ABCA5: variants seen among roughly 807,000 people sequenced by gnomAD.
ABCA5 encodes ATP binding cassette subfamily A member 5.
ABCA5 carries 163 observed loss-of-function variants against 206.0 expected under a neutral mutation model. The observed-to-expected ratio is 0.79, with a 90% CI of 0.70 to 0.90. The LOEUF (loss-of-function observed/expected upper bound fraction) is 0.90, where lower values mean the gene tolerates loss of function less well. Among genes scored for constraint, ABCA5 ranks in the 40% least tolerant of loss-of-function variants. The pLI is 0.00. For missense variants in ABCA5, 1,859 were observed against 1,912.9 expected (o/e 0.97, Z 0.53); for synonymous variants, 609 against 613.8 (o/e 0.99, Z 0.11).
At chr17:69,256,547 C>T (rs2035745997) in intron 28 of ABCA5, among the ~76,000 whole-genome samples, 1 of 151,100 alleles carries the variant, frequency 6.6e-6, no homozygotes, top group African/African-American at 2.4e-5. Flanking sequence ...CCTCTGCCTC[C>T]TGGGTTCAAG....
intron 34 of ABCA5, 125 bp from the exon 35 acceptor site, chr17:69,251,991 G>T: frequency 1.2e-6 from 1 of 855,720 alleles, no homozygotes; most frequent in Non-Finnish European, 1.8e-6. Context: ...CAATTGCTAT[G>T]GCTATTACAT....
In ABCA5 at chr17:69,307,654, A is replaced by G. The variant is rs978911551; in HGVS notation, c.558+626T>C. On this transcript the variant is annotated intron_variant, in intron 5 of 38. Transcript: ENST00000392676. ...CACGTCCCTAATATGTTTATACTGT[A>G]CTACAAAAGTTTACAAGACAATTAT... Among the ~76,000 whole-genome samples the G allele has an allele frequency of 9.9e-5, 15 of 152,212 alleles. No homozygotes were observed. In the East Asian group the frequency reaches 2.9e-3, roughly 29 times the overall value.
intron 23 of ABCA5, 35 bp downstream of exon 23, chr17:69,267,908 A>T: frequency 1.6e-6 from 2 of 1,255,982 alleles, no homozygotes; most frequent in Non-Finnish European, 1.2e-6. Context: ...GACACTTCTT[A>T]TTAGCAAATT....
rs568310048 is a variant in ABCA5 at position 69,309,648 on chromosome 17, A to T, written c.308-225T>A. Among the ~76,000 whole-genome samples, 3 of 152,254 alleles carry T rather than the reference A, an allele frequency of 2.0e-5. No homozygotes were observed. In the East Asian group the frequency reaches 5.8e-4, roughly 29 times the overall value. On this transcript the variant is annotated intron_variant, in intron 3 of 38. Transcript: ENST00000392676. ...GCTTGAGCTCAGAAGTTCAAGTCCA[A>T]CCTGGGCAACATGGTGAGGTTCTGT... is the stretch of plus-strand genomic sequence containing the variant.
At chr17:69,312,272 T>C (rs1450269100) in intron 3 of ABCA5, among the ~76,000 whole-genome samples, 1 of 152,184 alleles carries the variant, frequency 6.6e-6, no homozygotes, top group African/African-American at 2.4e-5. Flanking sequence ...CTAGTTCATT[T>C]CTTTGTGAGA....
In ABCA5 at chr17:69,313,176, A is replaced by G; in HGVS notation, c.223T>C (p.Ser75Pro). 1 of 1,608,782 alleles carries G rather than the reference A, an allele frequency of 6.2e-7. No homozygotes were observed. The highest frequency in any genetic ancestry group is 1.1e-5 in the South Asian group (1 of 90,736). The change falls in exon 3 of 39, where the codon TCT becomes CCT. Residue 75 changes from serine to proline, a missense_variant. Ser to Pro is a moderately conservative substitution (Grantham distance 74). Transcript: ENST00000392676. Reference sequence around the variant, plus strand: ...GGAGTATATCCAAGAATTAGATTAGAAAGAGTAAACTTGTCCATAGGATTG... The same window carrying G: ...GGAGTATATCCAAGAATTAGATTAGGAAGAGTAAACTTGTCCATAGGATTG... ...ELNPMDKFTL[S>P]NLILGYTPVT... is the part of the protein sequence containing the mutation.
chr17:69,264,888 T>A lies in ABCA5; in HGVS notation c.3162A>T (p.Gln1054His). ...AENHKIKAYTQLKLSGLLPSA... is the reference protein window; with the variant it reads ...AENHKIKAYTHLKLSGLLPSA... ...ATGGCAAAAGACCTGAAAGTTTAAGTTGAGTATAAGCTTTGATCTAAAAAA... is the reference window on the plus strand; with the variant it reads ...ATGGCAAAAGACCTGAAAGTTTAAGATGAGTATAAGCTTTGATCTAAAAAA... The change falls in exon 24 of 39, where the codon CAA becomes CAT. Residue 1054 changes from glutamine (Q) to histidine (H), a missense_variant. Transcript: ENST00000392676. 6.4e-7 allele frequency: 1 copy of A among 1,551,986 alleles called. No homozygotes were observed. Among genetic ancestry groups the A allele is most frequent in the Non-Finnish European group, 8.7e-7 (1 of 1,153,820 alleles).
Position 69,247,320 on chromosome 17 carries a change from A to G in ABCA5, c.*217T>C, listed in dbSNP as rs183622747. The G allele has an allele frequency of 6.8e-5, 30 of 443,522 alleles. No individual in the cohort carries two copies. Among genetic ancestry groups the G allele is most frequent in the African/African-American group, 5.7e-4 (28 of 48,824 alleles). 27.5% of individuals were successfully genotyped at this position (443,522 alleles called of 1,614,324 possible). A position where few individuals can be genotyped will look rare whatever the true frequency, so the allele number is the denominator to read the frequency against. ...ACATACAAACTATATAGTTCAATAT[A>G]CTTCAATACAAACATGCAGCTTCAC... On this transcript the variant is annotated 3_prime_UTR_variant, in exon 39 of 39. Coordinates refer to ENST00000392676, the MANE Select transcript of ABCA5 (RefSeq NM_172232.4).
At chr17:69,315,343 T>C (rs933498541) in intron 1 of ABCA5, 5 of 152,172 alleles carry the variant, frequency 3.3e-5, no homozygotes, top group Admixed American at 2.0e-4. Flanking sequence ...AAATGACAAC[T>C]ACAGTTCAAA....
In ABCA5 at chr17:69,286,234, C is replaced by A. The variant is rs968494720; in HGVS notation, c.2119G>T (p.Gly707Cys). ...SMFLKSKWGI[G>C]YRLSMYIDKY... is the part of the protein sequence containing the mutation. ...AATGAATGATACCTCAGGCGGTAGC[C>A]GATCCCCCATTTACTTTTGAGGAAC... Residue 707 changes from glycine to cysteine, a missense_variant, in exon 16 of 39, where the codon GGC becomes TGC. By Grantham distance (159) the Gly-to-Cys change is radical. Transcript: ENST00000392676. 11 of 1,602,480 alleles carry A rather than the reference C, an allele frequency of 6.9e-6. No homozygotes were observed. The highest frequency in any genetic ancestry group is 9.3e-6 in the Non-Finnish European group (11 of 1,176,964).
At chr17:69,325,921 T>C (rs550329498) in intron 1 of ABCA5, 36 of 152,360 alleles carry the variant, frequency 2.4e-4, no homozygotes, top group South Asian at 1.9e-3. Flanking sequence ...AAAGGAAATA[T>C]ACTCAAACAG....
At chr17:69,290,146 A>T in intron 12 of ABCA5, 109 bp from the exon 13 acceptor site, 1 of 682,142 alleles carries the variant, frequency 1.5e-6, no homozygotes, top group Non-Finnish European at 2.2e-6. Context: ...ATAAGGTAAA[A>T]ATTAATATAA....
intron 1 of ABCA5, among the ~76,000 whole-genome samples, chr17:69,322,456 T>C (rs2075872722): frequency 6.8e-6 from 1 of 147,362 alleles, no homozygotes; most frequent in Admixed American, 6.8e-5. Flanking sequence ...AAAATGTACA[T>C]AACCTTTAGA....
intron 7 of ABCA5, among the ~76,000 whole-genome samples, chr17:69,303,784 AAATAT>A (rs1422284044): frequency 8.2e-4 from 7 of 8,506 alleles, no homozygotes; most frequent in African/African-American, 9.3e-4. Context: ...AAAAAAAAAA[AAATAT>A]ATATATATAT....
chr17:69,313,214 G>T lies in ABCA5; in HGVS notation c.185C>A (p.Pro62His). The change falls in exon 3 of 39, where the codon CCT becomes CAT. Residue 62 changes from proline (P) to histidine (H), a missense_variant. Coordinates refer to ENST00000392676, the MANE Select transcript of ABCA5 (RefSeq NM_172232.4). Reference sequence around the variant, plus strand: ...GTCCATAGGATTGAGTTCTATATTAGGCACTTCTTCATATTTCTTATTTGG... The same window carrying T: ...GTCCATAGGATTGAGTTCTATATTATGCACTTCTTCATATTTCTTATTTGG... ...MHPNKKYEEV[P>H]NIELNPMDKF... The T allele has an allele frequency of 1.3e-6, 2 of 1,555,858 alleles. No homozygotes were observed. Among genetic ancestry groups the T allele is most frequent in the Non-Finnish European group, 1.8e-6 (2 of 1,129,008 alleles).
rs1394690623 is a variant in ABCA5, at chr17:69,264,915, A to G, written c.3145-10T>C. ...GAGTATAAGCTTTGATCTAAAAAAA[A>G]TGAAAAACAATTTATTATAATTTTA... On this transcript the variant is annotated splice_polypyrimidine_tract_variant and intron_variant, in intron 23 of 38. Coordinates refer to ENST00000392676, the MANE Select transcript of ABCA5 (RefSeq NM_172232.4). The G allele has an allele frequency of 8.9e-6, 13 of 1,460,318 alleles. No individual in the cohort carries two copies. The highest frequency in any genetic ancestry group is 9.1e-6 in the Non-Finnish European group (10 of 1,101,126). 90.5% of individuals were successfully genotyped at this position (1,460,318 alleles called of 1,614,324 possible). A position where few individuals can be genotyped will look rare whatever the true frequency, so the allele number is the denominator to read the frequency against.
rs201970995 is a variant in ABCA5, at chr17:69,277,787, A to T, written c.2448T>A (p.Phe816Leu). ...TAAGTAAGCTCTGTTCCATTTCATCAAAAGATTTTGAATCCATTTCTTCCT... is the reference window on the plus strand; with the variant it reads ...TAAGTAAGCTCTGTTCCATTTCATCTAAAGATTTTGAATCCATTTCTTCCT... ...PLEEEMDSKS[F>L]DEMEQSLLIL... Residue 816 changes from phenylalanine to leucine, a missense_variant, in exon 19 of 39, where the codon TTT becomes TTA. Transcript: ENST00000392676. 4.4e-6 allele frequency: 7 copies of T among 1,585,582 alleles called. No homozygotes were observed. The highest frequency in any genetic ancestry group is 6.0e-6 in the Non-Finnish European group (7 of 1,168,812).
intron 15 of ABCA5, 106 bp downstream of exon 15, chr17:69,287,507 C>G: frequency 2.2e-6 from 3 of 1,372,094 alleles, no homozygotes; most frequent in Non-Finnish European, 2.9e-6. Flanking sequence ...GGAAACATAC[C>G]ACTAGGTAAA....
intron 18 of ABCA5, among the ~76,000 whole-genome samples, chr17:69,280,191 AAAAC>A (rs1178711594): frequency 1.3e-5 from 2 of 152,154 alleles, no homozygotes; most frequent in Non-Finnish European, 2.9e-5. Flanking sequence ...TTACAAGAAA[AAAAC>A]AAACAACCCC....
Sources: gnomAD v4.1 joint callset for allele counts (sites outside exome capture counted in the v4.1 genomes callset) on GRCh38, gnomAD v4.1.1 for gene constraint, MANE v1.5 for transcripts, NCBI Gene and HGNC (gene_info 2026-07-23, HGNC 2026-07-21) for gene names.